The following BRME1 variants were observed in gnomAD, a reference collection of about 807,000 sequenced individuals.
BRME1 encodes the protein BRCA2 and MEILB2-associating protein 1.
In BRME1, 31 loss-of-function variants were observed where a neutral mutation model predicts 52.6. The ratio of observed to expected loss-of-function variants is 0.59; its 90% CI spans 0.44 to 0.80. The LOEUF (loss-of-function observed/expected upper bound fraction) is 0.80, where lower values mean the gene tolerates loss of function less well. BRME1 is among the 30% of genes least tolerant of loss of function. The pLI is 0.00. For missense variants in BRME1, 804 were observed against 860.3 expected, an observed-to-expected ratio of 0.93 and a Z score of 0.82; for synonymous variants, 359 against 353.6, an observed-to-expected ratio of 1.02 and a Z score of -0.17.
At chr19:13,884,136 T>A (rs376852691) in intron 7 of BRME1, among the ~76,000 whole-genome samples, 9 of 152,000 alleles carry the variant, frequency 5.9e-5, no homozygotes, top group South Asian at 2.1e-4. Flanking sequence ...ACCCAGGAAT[T>A]CAAGACCAGC....
At chr19:13,886,113 A>T in intron 6 of BRME1, 58 bp from the exon 7 acceptor site, 4 of 1,452,890 alleles carry the variant, frequency 2.8e-6, no homozygotes, top group Non-Finnish European at 3.8e-6. Context: ...AGCTCTGCAC[A>T]GGGGAACCAG....
At chr19:13,893,254 T>A in intron 3 of BRME1, 31 bp from the exon 4 acceptor site, 173 of 1,513,762 alleles carry the variant, frequency 1.1e-4, no homozygotes, top group Middle Eastern at 4.1e-4. Context: ...CTGAAGGAGA[T>A]CTGCCCGGGT....
At chr19:13,892,019 G>A (rs570485399) in intron 5 of BRME1, among the ~76,000 whole-genome samples, 15 of 149,944 alleles carry the variant, frequency 1.0e-4, no homozygotes, top group African/African-American at 3.7e-4. Context: ...GCTGCAGTGA[G>A]CCGAGATCAC....
rs1969378685 is a variant in BRME1 at position 13,890,229 on chromosome 19, T to C, written c.627A>G (p.Gln209=). The C allele has an allele frequency of 4.3e-6, 7 of 1,614,198 alleles. No individual in the cohort carries two copies. Among genetic ancestry groups the C allele is most frequent in the Non-Finnish European group, 5.1e-6 (6 of 1,180,026 alleles). Residue 209 remains glutamine (Q), a synonymous_variant, in exon 6 of 9, where the codon CAA becomes CAG. Transcript: ENST00000586783. The stretch of plus-strand genomic sequence containing the variant: ...CGGCCCCTTGTTCTGACAGGTGGTC[T>C]TGGCTGGCCCTCTGTGAGGCGGACA... ...TGLSASQRAS[Q]DHLSEQGADD... is the part of the protein sequence containing the mutation.
intron 7 of BRME1, among the ~76,000 whole-genome samples, chr19:13,884,200 C>T (rs1968836902): frequency 6.6e-6 from 1 of 152,126 alleles, no homozygotes; most frequent in Non-Finnish European, 1.5e-5. Context: ...ATTAGCCAGG[C>T]ATAGTGGTGC....
chr19:13,883,881 C>T lies in BRME1; in HGVS notation c.1764-481G>A, dbSNP rs1968810912. Reference sequence around the variant, plus strand: ...CCCAAATGTCTCCTCCTGGTGGTGGCTTCCCTGATTCCTCCTTACATTTTA... The same window carrying T: ...CCCAAATGTCTCCTCCTGGTGGTGGTTTCCCTGATTCCTCCTTACATTTTA... On this transcript the variant is annotated intron_variant, in intron 7 of 8. Coordinates refer to ENST00000586783, the MANE Select transcript of BRME1 (RefSeq NM_001345843.2). This position sits in a 1 kb window ranked among gnomAD's most constrained non-coding sequence, Gnocchi z 4.2. Among the ~76,000 whole-genome samples, 1 of 126,546 alleles carries T rather than the reference C, an allele frequency of 7.9e-6. No individual in the cohort carries two copies. Among genetic ancestry groups the T allele is most frequent in the Non-Finnish European group, 1.6e-5 (1 of 62,716 alleles). 83.0% of individuals were successfully genotyped at this position (126,546 alleles called of 152,430 possible). A position where few individuals can be genotyped will look rare whatever the true frequency, so the allele number is the denominator to read the frequency against.
Position 13,892,831 on chromosome 19 carries a change from T to C in BRME1, c.348A>G (p.Lys116=). 1 of 1,614,214 alleles carries C rather than the reference T, an allele frequency of 6.2e-7. No homozygotes were observed. The highest frequency in any genetic ancestry group is 8.5e-7 in the Non-Finnish European group (1 of 1,180,006). ...FAKSRKTVTR[K]EEMKDEDRGS... ...CACGGTCCTCATCCTTCATCTCTTC[T>C]TTTCTTGTCACTGTCTTCCTGGATT... Residue 116 remains lysine (K), a synonymous_variant, in exon 5 of 9, where the codon AAA becomes AAG. Coordinates refer to ENST00000586783, the MANE Select transcript of BRME1 (RefSeq NM_001345843.2).
chr19:13,903,627 C>T lies in BRME1; in HGVS notation c.31+1235G>A, dbSNP rs549067086. Among the ~76,000 whole-genome samples, 4 of 148,062 alleles carry T rather than the reference C, an allele frequency of 2.7e-5. No homozygotes were observed. In the East Asian group the frequency reaches 5.9e-4, roughly 22 times the overall value. On this transcript the variant is annotated intron_variant, in intron 2 of 8. Coordinates refer to ENST00000586783, the MANE Select transcript of BRME1 (RefSeq NM_001345843.2). The stretch of plus-strand genomic sequence containing the variant: ...GGTGGAGGCTGCAGTGAGCCAAGAT[C>T]TTGCTACTGCACTCCAGCCTGGACG...
intron 3 of BRME1, 80 bp downstream of exon 3, chr19:13,895,292 A>C: frequency 6.9e-7 from 1 of 1,457,214 alleles, no homozygotes; most frequent in Non-Finnish European, 9.3e-7. Context: ...TCTCTTTCCC[A>C]AAGCATTGCT....
At chr19:13,901,347 C>A (rs1244005758) in intron 2 of BRME1, among the ~76,000 whole-genome samples, 10 of 151,982 alleles carry the variant, frequency 6.6e-5, no homozygotes, top group Non-Finnish European at 1.3e-4. Flanking sequence ...TGGTCATGAT[C>A]TACCACAAAG....
chr19:13,882,703 G>T lies in BRME1; in HGVS notation c.*99C>A, dbSNP rs909264167. The T allele has an allele frequency of 6.7e-6, 10 of 1,495,956 alleles. No homozygotes were observed. Among genetic ancestry groups the T allele is most frequent in the African/African-American group, 5.7e-5 (4 of 70,580 alleles). The allele number at this position is 1,495,956 out of a possible 1,614,324, so 92.7% of individuals were successfully genotyped here. A position where few individuals can be genotyped will look rare whatever the true frequency, so the allele number is the denominator to read the frequency against. On this transcript the variant is annotated 3_prime_UTR_variant, in exon 9 of 9. Transcript: ENST00000586783. The stretch of plus-strand genomic sequence containing the variant: ...AAGACCAACTTCCGGGCAACTGAAG[G>T]GAGGTTTGTAGGGTCCACTAGGACC...
chr19:13,894,020 G>A lies in BRME1; in HGVS notation c.207-797C>T, dbSNP rs774204171. Among the ~76,000 whole-genome samples, 78 of 152,152 alleles carry A rather than the reference G, an allele frequency of 5.1e-4. 1 individual carries two copies. Among genetic ancestry groups the A allele is most frequent in the Non-Finnish European group, 9.9e-4 (67 of 68,018 alleles). On this transcript the variant is annotated intron_variant, in intron 3 of 8. Transcript: ENST00000586783. ...TGACCTGAGAACATTTAACTGTCAA[G>A]GAGGGTGCAGAGTCCCACCTGGAGA...
chr19:13,884,180 A>T (rs1409460241), intron 7 of BRME1, among the ~76,000 whole-genome samples: 1 of 152,190 alleles, frequency 6.6e-6, no homozygotes, highest in Non-Finnish European at 1.5e-5. Flanking sequence ...ATCTCTACAA[A>T]TAATACAAAA....
intron 1 of BRME1, 135 bp from the exon 2 acceptor site, chr19:13,905,048 C>T (rs1372935642): frequency 1.2e-5 from 8 of 680,080 alleles, no homozygotes; most frequent in Middle Eastern, 5.8e-4. Context: ...CAGATGGCTC[C>T]CACTGGGACA....
intron 2 of BRME1, among the ~76,000 whole-genome samples, chr19:13,903,673 C>A (rs1331779759): frequency 1.4e-3 from 178 of 128,164 alleles, no homozygotes; most frequent in African/African-American, 2.8e-3. Flanking sequence ...ACTTGGTCTC[C>A]AAAAAAAAAA....
chr19:13,891,297 G>A (rs886929832), intron 5 of BRME1, among the ~76,000 whole-genome samples: 3 of 150,954 alleles, frequency 2.0e-5, no homozygotes, highest in African/African-American at 4.9e-5. Context: ...TTACAGGCTC[G>A]CGCCACCATG....
At chr19:13,893,323 A>C (rs1969651303) in intron 3 of BRME1, 100 bp from the exon 4 acceptor site, 2 of 1,003,436 alleles carry the variant, frequency 2.0e-6, no homozygotes, top group African/African-American at 3.3e-5. Flanking sequence ...CAGATCACCG[A>C]GGCCAGGAGT....
intron 1 of BRME1, 35 bp from the exon 2 acceptor site, chr19:13,904,948 A>G (rs1335196064): frequency 5.2e-6 from 8 of 1,537,054 alleles, no homozygotes; most frequent in South Asian, 1.1e-5. Context: ...CATTATAAGC[A>G]GTCTCTGTCT....
rs748176154 is a variant in BRME1, at chr19:13,890,144, G to A, written c.712C>T (p.Pro238Ser). 1 of 1,614,152 alleles carries A rather than the reference G, an allele frequency of 6.2e-7. No homozygotes were observed. Among genetic ancestry groups the A allele is most frequent in the South Asian group, 1.1e-5 (1 of 91,086 alleles). Reference protein sequence around the residue: ...PGDGGQKEHLPSIDSEGEKPD... With the variant: ...PGDGGQKEHLSSIDSEGEKPD... The stretch of plus-strand genomic sequence containing the variant: ...TTCTCCCCTTCAGAATCAATGCTTG[G>A]TAGGTGTTCCTTTTGGCCACCGTCA... The change falls in exon 6 of 9, where the codon CCA becomes TCA. Residue 238 changes from proline to serine, a missense_variant. Around this residue, in one of 3 missense-constraint regions of BRME1, gnomAD observed 552 missense variants for 561.1 expected, o/e 0.98. Coordinates refer to ENST00000586783, the MANE Select transcript of BRME1 (RefSeq NM_001345843.2).
Sources: allele counts gnomAD v4.1 joint callset (sites outside exome capture counted in the v4.1 genomes callset), GRCh38; gene constraint gnomAD v4.1.1; regional missense constraint gnomAD v4.1.1; non-coding constraint Gnocchi (gnomAD v3.1); transcripts MANE v1.5; gene names NCBI Gene and HGNC (gene_info 2026-07-23, HGNC 2026-07-21).